Variants in SIK3 observed in about 807,000 individuals in gnomAD.
SIK3 encodes the protein SIK family kinase 3.
Under a neutral mutation model 144.2 loss-of-function variants are expected in SIK3, and 28 were observed. The ratio of observed to expected loss-of-function variants is 0.19; its 90% CI spans 0.14 to 0.27. The LOEUF (loss-of-function observed/expected upper bound fraction) is 0.27. Ranked by LOEUF, SIK3 falls within the 10% of genes least tolerant of loss-of-function variation. The pLI, the probability that SIK3 is intolerant of heterozygous loss-of-function variation, is 1.00. For synonymous variants in SIK3, 686 were observed against 676.3 expected, an observed-to-expected ratio of 1.01 and a Z score of -0.22; for missense variants, 1,319 against 1,776.0, an observed-to-expected ratio of 0.74 and a Z score of 4.62.
chr11:116,957,760 T>C (rs1299001090), intron 1 of SIK3, among the ~76,000 whole-genome samples: 1 of 152,154 alleles, frequency 6.6e-6, no homozygotes. Context: ...TAACCCAAGA[T>C]TAAGTAATTT....
At chr11:116,927,522 T>C in intron 3 of SIK3, 142 bp from the exon 4 acceptor site, 1 of 681,668 alleles carries the variant, frequency 1.5e-6, no homozygotes, top group Non-Finnish European at 2.5e-6. Context: ...ACATTGATAG[T>C]CCTGGTTTGC....
chr11:116,925,774 A>C (rs1315259210), intron 4 of SIK3, among the ~76,000 whole-genome samples: 1 of 152,246 alleles, frequency 6.6e-6, no homozygotes, highest in African/African-American at 2.4e-5. Context: ...CTTTGTGGGA[A>C]CTACCAGTAT....
chr11:116,982,962 A>AAG (rs1202359330), intron 1 of SIK3, among the ~76,000 whole-genome samples: 3 of 150,806 alleles, frequency 2.0e-5, no homozygotes, highest in African/African-American at 7.3e-5. Context: ...AAAAAAAAAA[A>AAG]AAAAAAATTT....
chr11:117,048,354 A>G (rs1402621624), intron 1 of SIK3, among the ~76,000 whole-genome samples: 8 of 152,190 alleles, frequency 5.3e-5, no homozygotes, highest in African/African-American at 1.4e-4. Flanking sequence ...ATACAGACAT[A>G]AGGTCAATTA....
rs140534291 is a variant in SIK3 at position 116,858,162 on chromosome 11, A to G, written c.3303T>C (p.Tyr1101=). The G allele has an allele frequency of 6.8e-6, 11 of 1,613,946 alleles. No individual in the cohort carries two copies. The highest frequency in any genetic ancestry group is 2.7e-5 in the African/African-American group (2 of 74,870). Residue 1101 remains tyrosine (Y), a synonymous_variant, in exon 21 of 25, where the codon TAT becomes TAC. Coordinates refer to ENST00000445177, the MANE Select transcript of SIK3 (RefSeq NM_001366686.3). The surrounding 1 kb of genome is among the most constrained non-coding windows in gnomAD (Gnocchi z 5.4). ...GATGCTGGGGGCTGGTGTGATGGTG[A>G]TAAGAGTCAGCATTTTGATAAGATA... ...QALSYQNADS[Y]HHHTSPQHLL...
chr11:117,057,891 C>T (rs1953612181), intron 1 of SIK3, among the ~76,000 whole-genome samples: 6 of 152,178 alleles, frequency 3.9e-5, no homozygotes, highest in Admixed American at 3.9e-4. Context: ...GTGCTAAGAA[C>T]AGTCTCTGCA....
intron 13 of SIK3, among the ~76,000 whole-genome samples, chr11:116,873,006 C>A (rs930226956): frequency 6.6e-6 from 1 of 152,182 alleles, no homozygotes; most frequent in African/African-American, 2.4e-5. Flanking sequence ...GCTGTGGGAG[C>A]AAATCATCAA....
Position 116,846,518 on chromosome 11 carries a change from C to G in SIK3, c.3988G>C (p.Asp1330His). Residue 1330 changes from aspartate to histidine, a missense_variant, in exon 24 of 25, where the codon GAC (aspartate) becomes CAC (histidine). Physicochemically the swap from Asp to His is moderately conservative, Grantham distance 81. Around this residue, in one of 8 missense-constraint regions of SIK3, gnomAD observed 646 missense variants for 763.7 expected, o/e 0.85. Coordinates refer to ENST00000445177, the MANE Select transcript of SIK3 (RefSeq NM_001366686.3). This position sits in a 1 kb window ranked among gnomAD's most constrained non-coding sequence, Gnocchi z 4.1. ...GASLGGHEHP[D>H]LSDGSQHLNS... is the part of the protein sequence containing the mutation. ...AAATGCTGGCTGCCATCACTCAGGT[C>G]TGGGTGCTCATGACCTCCCAGGCTT... 1 of 1,614,172 alleles carries G rather than the reference C, an allele frequency of 6.2e-7. No homozygotes were observed. Among genetic ancestry groups the G allele is most frequent in the Non-Finnish European group, 8.5e-7 (1 of 1,180,014 alleles).
Position 116,897,313 on chromosome 11 carries a change from A to G in SIK3, c.621T>C (p.Phe207=), listed in dbSNP as rs1945463104. 1.2e-6 allele frequency: 2 copies of G among 1,613,042 alleles called. No individual in the cohort carries two copies. Among genetic ancestry groups the G allele is most frequent in the Non-Finnish European group, 1.7e-6 (2 of 1,179,492 alleles). Residue 207 remains phenylalanine (F), a synonymous_variant, in exon 5 of 25, where the codon TTT becomes TTC. Coordinates refer to ENST00000445177, the MANE Select transcript of SIK3 (RefSeq NM_001366686.3). ...CAGGAGTGAAGAGGTTACTGAAACC[A>G]AAATCTAGAAAGGCAAATGGACATA... ...DANLNIKIAD[F]GFSNLFTPGQ...
intron 1 of SIK3, among the ~76,000 whole-genome samples, chr11:117,000,198 G>A (rs979916412): frequency 6.6e-6 from 1 of 152,194 alleles, no homozygotes; most frequent in Non-Finnish European, 1.5e-5. Flanking sequence ...GGAAAGTACA[G>A]TATGGAATAA....
At chr11:117,059,872 G>C in intron 1 of SIK3, among the ~76,000 whole-genome samples, 1 of 152,200 alleles carries the variant, frequency 6.6e-6, no homozygotes, top group Non-Finnish European at 1.5e-5. Flanking sequence ...TAAGGATATA[G>C]AACAACAGGA....
Position 116,859,446 on chromosome 11 carries a change from G to T in SIK3, c.2584C>A (p.Pro862Thr). The T allele has an allele frequency of 2.5e-6, 4 of 1,614,218 alleles. No individual in the cohort carries two copies. Reference protein sequence around the residue: ...SQQVTIQVQEPVDMLSNMPGT... With the variant: ...SQQVTIQVQETVDMLSNMPGT... ...GGCATGTTGCTGAGCATGTCAACAG[G>T]CTCTTGGACTTGGATGGTGACCTGC... Residue 862 changes from proline (P) to threonine (T), a missense_variant, in exon 20 of 25, where the codon CCT (proline) becomes ACT (threonine). Pro to Thr is a conservative substitution (Grantham distance 38). Around this residue, in one of 8 missense-constraint regions of SIK3, gnomAD observed 646 missense variants for 763.7 expected, o/e 0.85. Coordinates refer to ENST00000445177, the MANE Select transcript of SIK3 (RefSeq NM_001366686.3).
chr11:117,043,551 T>G (rs1952833674), intron 1 of SIK3, among the ~76,000 whole-genome samples: 1 of 152,162 alleles, frequency 6.6e-6, no homozygotes, highest in Non-Finnish European at 1.5e-5. Flanking sequence ...TCATAGGAGT[T>G]TCCAAAAAAT....
At chr11:116,938,191 T>G (rs1591371399) in intron 3 of SIK3, among the ~76,000 whole-genome samples, 2 of 88,904 alleles carry the variant, frequency 2.2e-5, no homozygotes, top group African/African-American at 4.7e-5. Context: ...GGCAACAGAG[T>G]GAGACTCTAT....
chr11:116,989,233 T>C (rs1415795364), intron 1 of SIK3, among the ~76,000 whole-genome samples: 1 of 152,142 alleles, frequency 6.6e-6, no homozygotes, highest in South Asian at 2.1e-4. Context: ...GTCTCTCAGA[T>C]GATATGTGTT....
At chr11:116,875,552 AT>A in intron 9 of SIK3, 101 bp from the exon 10 acceptor site, 1 of 1,333,406 alleles carries the variant, frequency 7.5e-7, no homozygotes, top group Non-Finnish European at 1.0e-6. Flanking sequence ...TGTTTCCCTG[AT>A]TACTAAAGTT....
chr11:116,978,949 A>G (rs1271850272), intron 1 of SIK3, among the ~76,000 whole-genome samples: 10 of 152,172 alleles, frequency 6.6e-5, no homozygotes. Flanking sequence ...TTTATGCTTT[A>G]CAGTTGCTAG....
intron 8 of SIK3, 104 bp from the exon 9 acceptor site, chr11:116,876,113 CT>C: frequency 6.5e-7 from 1 of 1,532,336 alleles, no homozygotes; most frequent in Non-Finnish European, 8.9e-7. Flanking sequence ...TTCTTTCCTT[CT>C]TTCCAAGGCC....
At chr11:116,950,075 A>C in intron 3 of SIK3, 1 of 469,622 alleles carries the variant, frequency 2.1e-6, no homozygotes, top group Non-Finnish European at 4.4e-6. Flanking sequence ...AAGACAGTGA[A>C]ACCACTGTCT....
Sources: gnomAD v4.1 joint callset for allele counts (sites outside exome capture counted in the v4.1 genomes callset) on GRCh38, gnomAD v4.1.1 for gene constraint, gnomAD v4.1.1 regional missense constraint, Gnocchi (gnomAD v3.1) non-coding constraint, MANE v1.5 for transcripts, NCBI Gene and HGNC (gene_info 2026-07-23, HGNC 2026-07-21) for gene names.